The following HEPH variants were observed in gnomAD, a reference collection of about 807,000 sequenced individuals.
HEPH encodes hephaestin.
Under a neutral mutation model 80.8 loss-of-function variants are expected in HEPH, and 69 were observed. The observed-to-expected ratio is 0.85, with a 90% CI of 0.70 to 1.04. HEPH has a LOEUF of 1.04. Among genes scored for constraint, HEPH ranks in the 50% least tolerant of loss-of-function variants. The probability of loss-of-function intolerance (pLI) is 0.00; values close to 1 mark genes in which losing one functional copy is unlikely to be tolerated. For missense variants in HEPH, 1,115 were observed against 891.3 expected, an observed-to-expected ratio of 1.25 and a Z score of -3.20; for synonymous variants, 431 against 322.8, an observed-to-expected ratio of 1.34 and a Z score of -3.60.
intron 19 of HEPH, among the ~76,000 whole-genome samples, chrX:66,262,359 G>C (rs1482024611): frequency 1.8e-5 from 2 of 111,736 alleles, no homozygotes; most frequent in Non-Finnish European, 3.8e-5. Context: ...TGACCAGGGG[G>C]TTTGACAGAC....
At chrX:66,171,761 TAC>T in intron 2 of HEPH, among the ~76,000 whole-genome samples, 1 of 110,673 alleles carries the variant, frequency 9.0e-6, no homozygotes, top group East Asian at 2.8e-4. Context: ...ATTGAACTTT[TAC>T]TATTTGCCAC....
intron 15 of HEPH, among the ~76,000 whole-genome samples, chrX:66,225,747 G>A (rs890081089): frequency 3.5e-5 from 4 of 112,815 alleles, no homozygotes; most frequent in African/African-American, 6.4e-5. Flanking sequence ...AGAGTCCCCC[G>A]CAGGGATGCT....
chrX:66,194,330 G>A (rs2087971542), intron 8 of HEPH, among the ~76,000 whole-genome samples: 1 of 111,822 alleles, frequency 8.9e-6, no homozygotes, highest in South Asian at 3.8e-4. Flanking sequence ...AGGAAGGAGA[G>A]ATGGTGGTGA....
At chrX:66,239,239 C>T (rs768446888) in intron 15 of HEPH, among the ~76,000 whole-genome samples, 11 of 111,843 alleles carry the variant, frequency 9.8e-5, no homozygotes, top group East Asian at 2.8e-4. Flanking sequence ...TGCTCCTTGT[C>T]GGTTCAACTC....
At chrX:66,175,460 T>G (rs766936765) in intron 4 of HEPH, among the ~76,000 whole-genome samples, 1 of 112,001 alleles carries the variant, frequency 8.9e-6, no homozygotes, top group Non-Finnish European at 1.9e-5. Context: ...AGATTTGTTT[T>G]TTTTGCTTAG....
intron 4 of HEPH, among the ~76,000 whole-genome samples, chrX:66,179,243 A>T (rs1394927072): frequency 2.7e-5 from 3 of 111,863 alleles, no homozygotes; most frequent in Admixed American, 1.9e-4. Flanking sequence ...TTTGTCAAAG[A>T]TCAGATGGTT....
chrX:66,257,166 G>T (rs1360868427), intron 17 of HEPH, among the ~76,000 whole-genome samples: 1 of 112,105 alleles, frequency 8.9e-6, no homozygotes, highest in Admixed American at 9.5e-5. Context: ...TAGAACAGAT[G>T]ATTCACAGAC....
chrX:66,199,225 A>G (rs1057360784), intron 11 of HEPH, among the ~76,000 whole-genome samples, 197 bp downstream of exon 11: 6 of 112,168 alleles, frequency 5.3e-5, no homozygotes, highest in African/African-American at 1.9e-4. Flanking sequence ...TGTGTTACAC[A>G]GTATGGGGGA....
intron 15 of HEPH, among the ~76,000 whole-genome samples, chrX:66,250,282 T>C (rs1484487020): frequency 1.8e-5 from 2 of 111,743 alleles, no homozygotes; most frequent in Non-Finnish European, 3.8e-5. Flanking sequence ...ATTGCATGCT[T>C]TCACCTCTGA....
chrX:66,202,399 C>T (rs1443203407), intron 12 of HEPH, among the ~76,000 whole-genome samples: 1 of 111,645 alleles, frequency 9.0e-6, no homozygotes, highest in Non-Finnish European at 1.9e-5. Context: ...GGGATAAGCA[C>T]TGAGCAGCAA....
At chrX:66,225,120 C>T (rs771709130) in intron 15 of HEPH, among the ~76,000 whole-genome samples, 4 of 111,397 alleles carry the variant, frequency 3.6e-5, no homozygotes, top group Non-Finnish European at 7.5e-5. Flanking sequence ...AACAAGGGAC[C>T]TGTCCAGGCT....
At chrX:66,227,585 A>G (rs1421020013) in intron 15 of HEPH, among the ~76,000 whole-genome samples, 2 of 112,245 alleles carry the variant, frequency 1.8e-5, no homozygotes, top group African/African-American at 6.5e-5. Context: ...GTTTCAGAAT[A>G]CAAAATTAAT....
At chrX:66,182,082 A>T (rs2087190854) in intron 4 of HEPH, among the ~76,000 whole-genome samples, 1 of 102,444 alleles carries the variant, frequency 9.8e-6, no homozygotes, top group African/African-American at 3.6e-5. Flanking sequence ...TACCAGTACC[A>T]TGCTGTTTTG....
At chrX:66,261,062 G>A (rs1026250082) in intron 19 of HEPH, among the ~76,000 whole-genome samples, 2 of 111,967 alleles carry the variant, frequency 1.8e-5, no homozygotes, top group African/African-American at 6.5e-5. Context: ...CAGGCATAAG[G>A]CACTGAACCT....
intron 15 of HEPH, among the ~76,000 whole-genome samples, chrX:66,244,894 GTT>G (rs35080785): frequency 5.3e-5 from 5 of 94,707 alleles, no homozygotes; most frequent in African/African-American, 1.5e-4. Flanking sequence ...TCAGTAGAAT[GTT>G]TTTTTTTTTT....
intron 19 of HEPH, among the ~76,000 whole-genome samples, chrX:66,261,821 A>T (rs2091374571): frequency 8.9e-6 from 1 of 112,011 alleles, no homozygotes; most frequent in South Asian, 3.7e-4. Flanking sequence ...CCACTTAACT[A>T]CTCAGGAGCT....
At chrX:66,224,806 T>A (rs1322697141) in intron 15 of HEPH, among the ~76,000 whole-genome samples, 1 of 111,564 alleles carries the variant, frequency 9.0e-6, no homozygotes, top group Non-Finnish European at 1.9e-5. Flanking sequence ...CACTTTTTTT[T>A]TCTTAACTAC....
chrX:66,198,766 T>C, intron 10 of HEPH, 112 bp from the exon 11 acceptor site: 1 of 597,563 alleles, frequency 1.7e-6, no homozygotes, highest in Non-Finnish European at 2.7e-6. Flanking sequence ...GGTCTCAAAA[T>C]GGGAAAAGGA....
chrX:66,227,465 G>A (rs143861028), intron 15 of HEPH, among the ~76,000 whole-genome samples: 3,196 of 111,341 alleles, frequency 0.029, 108 homozygotes, highest in African/African-American at 0.098. Flanking sequence ...ATCCAAATTG[G>A]TAAAGAGGAA....
Sources: allele counts gnomAD v4.1 joint callset (sites outside exome capture counted in the v4.1 genomes callset), GRCh38; gene constraint gnomAD v4.1.1; transcripts MANE v1.5; gene names NCBI Gene and HGNC (gene_info 2026-07-23, HGNC 2026-07-21).